AMPH: variants seen among roughly 807,000 people sequenced by gnomAD.
AMPH encodes the protein amphiphysin.
A neutral mutation model predicts 99.1 loss-of-function variants in AMPH; 49 were observed. The observed-to-expected ratio is 0.49, with a 90% confidence interval of 0.39 to 0.63. The LOEUF is 0.63. Ranked by LOEUF, AMPH falls within the 20% of genes least tolerant of loss-of-function variation. The probability of loss-of-function intolerance (pLI) is 0.00; values close to 1 mark genes in which losing one functional copy is unlikely to be tolerated. For synonymous variants in AMPH, 314 were observed against 317.3 expected (o/e 0.99, Z 0.11); for missense variants, 759 against 863.4 (o/e 0.88, Z 1.52).
At chr7:38,628,722 C>T (rs751274050) in intron 1 of AMPH, among the ~76,000 whole-genome samples, 3 of 152,024 alleles carry the variant, frequency 2.0e-5, no homozygotes, top group Non-Finnish European at 4.4e-5. Flanking sequence ...GTAAAATTTC[C>T]GAGTAGTAGA....
intron 17 of AMPH, among the ~76,000 whole-genome samples, chr7:38,405,344 A>C (rs1477271278): frequency 3.3e-5 from 5 of 152,182 alleles, no homozygotes; most frequent in Admixed American, 2.0e-4. Context: ...ATAGGAACAA[A>C]ACCTCACATG....
Position 38,603,883 on chromosome 7 carries a change from A to C in AMPH, c.69+27400T>G, listed in dbSNP as rs1373956972. On this transcript the variant is annotated intron_variant, in intron 1 of 20. Transcript: ENST00000356264. ...ACCGTGCTCTCATCCTGGAAGCAAA[A>C]ATAAGAAAAGAGATGCACATTTTGA... 4.6e-5 allele frequency among the ~76,000 whole-genome samples: 7 copies of C among 152,354 alleles called. No homozygotes were observed. In the East Asian group the frequency reaches 1.2e-3, roughly 25 times the overall value.
rs187434738 is a variant in AMPH, at chr7:38,579,448, G to A, written c.70-44437C>T. Among the ~76,000 whole-genome samples, 16 of 152,270 alleles carry A rather than the reference G, an allele frequency of 1.1e-4. No individual in the cohort carries two copies. In the East Asian group the frequency reaches 3.1e-3, roughly 29 times the overall value. ...TATGGGTGACAAACCAATCAAGTTG[G>A]CTTCATTTCCAAACCCACAAATCCT... On this transcript the variant is annotated intron_variant, in intron 1 of 20. Transcript: ENST00000356264.
intron 1 of AMPH, among the ~76,000 whole-genome samples, chr7:38,557,335 T>C (rs1791402467): frequency 2.6e-5 from 4 of 152,224 alleles, no homozygotes; most frequent in Admixed American, 2.6e-4. Context: ...TCTTGAATTG[T>C]AGCTCCCACA....
At chr7:38,385,805 G>C (rs1784334631) in intron 20 of AMPH, among the ~76,000 whole-genome samples, 1 of 152,174 alleles carries the variant, frequency 6.6e-6, no homozygotes, top group Non-Finnish European at 1.5e-5. Flanking sequence ...TTGGCTTCCT[G>C]AAGTTAAGCA....
chr7:38,489,739 A>G (rs766154296), intron 5 of AMPH, among the ~76,000 whole-genome samples: 1 of 152,134 alleles, frequency 6.6e-6, no homozygotes, highest in Non-Finnish European at 1.5e-5. Context: ...TTCTCCAAAG[A>G]CCTACAAACA....
intron 1 of AMPH, among the ~76,000 whole-genome samples, chr7:38,565,602 T>C (rs901289575): frequency 1.3e-5 from 2 of 150,646 alleles, no homozygotes; most frequent in Non-Finnish European, 2.9e-5. Context: ...TTTAACTTAA[T>C]CACCTCTTTC....
chr7:38,548,154 G>A lies in AMPH; in HGVS notation c.70-13143C>T, dbSNP rs185369339. Among the ~76,000 whole-genome samples, 21 of 151,074 alleles carry A rather than the reference G, an allele frequency of 1.4e-4. No homozygotes were observed. In the East Asian group the frequency reaches 3.1e-3, roughly 23 times the overall value. On this transcript the variant is annotated intron_variant, in intron 1 of 20. Coordinates refer to ENST00000356264, the MANE Select transcript of AMPH (RefSeq NM_001635.4). ...CGCCATTCTCCTGCCTCAGCCTCCC[G>A]TTTAGCTGGGACTACAGGTGCCCAC...
intron 11 of AMPH, among the ~76,000 whole-genome samples, chr7:38,453,096 C>A (rs1787096342): frequency 6.6e-6 from 1 of 152,198 alleles, no homozygotes; most frequent in Non-Finnish European, 1.5e-5. Flanking sequence ...TGTGGTCCAG[C>A]TGCTAGAGCC....
intron 1 of AMPH, among the ~76,000 whole-genome samples, chr7:38,544,711 G>T (rs1790931379): frequency 6.6e-6 from 1 of 152,328 alleles, no homozygotes; most frequent in East Asian, 1.9e-4. Context: ...TTGAGCCTCA[G>T]TTTCTTCATC....
At chr7:38,598,534 C>G (rs1444739846) in intron 1 of AMPH, among the ~76,000 whole-genome samples, 1 of 152,156 alleles carries the variant, frequency 6.6e-6, no homozygotes, top group Non-Finnish European at 1.5e-5. Flanking sequence ...GAACTCCTGA[C>G]CTCGTGATCC....
intron 1 of AMPH, among the ~76,000 whole-genome samples, chr7:38,610,458 C>A (rs1218287013): frequency 6.6e-6 from 1 of 150,740 alleles, no homozygotes; most frequent in Non-Finnish European, 1.5e-5. Context: ...CAGAGGGGCA[C>A]ATACAAATAA....
chr7:38,444,216 C>A (rs113971727), intron 11 of AMPH, among the ~76,000 whole-genome samples: 1 of 152,062 alleles, frequency 6.6e-6, no homozygotes, highest in Non-Finnish European at 1.5e-5. Flanking sequence ...TGCGTCTATG[C>A]GTCAGATGAC....
intron 20 of AMPH, among the ~76,000 whole-genome samples, chr7:38,387,975 GA>G (rs1055111616): frequency 6.6e-6 from 1 of 150,704 alleles, no homozygotes; most frequent in African/African-American, 2.4e-5. Context: ...AGAGTTGAAA[GA>G]AAAAAAAATC....
chr7:38,598,116 T>C (rs865943671), intron 1 of AMPH, among the ~76,000 whole-genome samples: 1 of 152,242 alleles, frequency 6.6e-6, no homozygotes, highest in African/African-American at 2.4e-5. Context: ...GTTTTAACTT[T>C]CCATAATTTT....
intron 17 of AMPH, among the ~76,000 whole-genome samples, chr7:38,397,540 T>G (rs11984345): frequency 0.097 from 14,822 of 152,174 alleles, 812 homozygotes; most frequent in East Asian, 0.19. Context: ...TAAATATAAG[T>G]CTTCAAACTA....
intron 1 of AMPH, among the ~76,000 whole-genome samples, chr7:38,611,605 G>A (rs777440725): frequency 4.6e-5 from 7 of 152,128 alleles, no homozygotes; most frequent in Non-Finnish European, 1.0e-4. Flanking sequence ...TCTCCATTGC[G>A]GAAGGCAGAG....
At chr7:38,518,742 C>T (rs773800866) in intron 2 of AMPH, among the ~76,000 whole-genome samples, 2 of 152,184 alleles carry the variant, frequency 1.3e-5, no homozygotes, top group Admixed American at 6.5e-5. Flanking sequence ...ATGATTTATA[C>T]AGGACTCTGG....
chr7:38,522,759 T>C (rs1337491505), intron 2 of AMPH, among the ~76,000 whole-genome samples: 1 of 151,976 alleles, frequency 6.6e-6, no homozygotes, highest in Non-Finnish European at 1.5e-5. Context: ...TATACGTATA[T>C]TGAAGATAAT....
Sources: allele counts gnomAD v4.1 joint callset (sites outside exome capture counted in the v4.1 genomes callset), GRCh38; gene constraint gnomAD v4.1.1; transcripts MANE v1.5; gene names NCBI Gene and HGNC (gene_info 2026-07-23, HGNC 2026-07-21).